The following CUBN variants were observed in gnomAD, a reference collection of about 807,000 sequenced individuals.
CUBN encodes cubilin, also known as 460 kDa receptor.
A neutral mutation model predicts 405.3 loss-of-function variants in CUBN; 282 were observed. That is an observed-to-expected ratio of 0.70 (90% confidence interval 0.63 to 0.77). The LOEUF is 0.77. Among genes scored for constraint, CUBN ranks in the 30% least tolerant of loss-of-function variants. CUBN has a pLI of 0.00. For missense variants in CUBN, 4,514 were observed against 4,475.2 expected, an observed-to-expected ratio of 1.01 and a Z score of -0.25; for synonymous variants, 1,684 against 1,617.0, an observed-to-expected ratio of 1.04 and a Z score of -0.99.
chr10:16,936,106 A>G (rs550556641), intron 39 of CUBN, among the ~76,000 whole-genome samples: 2 of 152,098 alleles, frequency 1.3e-5, no homozygotes, highest in East Asian at 3.9e-4. Flanking sequence ...TAAGAAAAAT[A>G]AGGTTTATGG....
In CUBN at chr10:16,838,614, G is replaced by T. The variant is rs532446980; in HGVS notation, c.10032+1716C>A. On this transcript the variant is annotated intron_variant, in intron 62 of 66. Transcript: ENST00000377833. ...AACATCTTATTCCAGAGGAAATTCA[G>T]ACTCAGCCTTTTTTAAAGCTCAAAA... 5.3e-5 allele frequency among the ~76,000 whole-genome samples: 8 copies of T among 152,308 alleles called. No homozygotes were observed. The South Asian group carries it at 1.7e-3, about 32-fold the overall frequency.
At chr10:16,998,171 C>T (rs182134620) in intron 28 of CUBN, among the ~76,000 whole-genome samples, 54 of 152,108 alleles carry the variant, frequency 3.6e-4, no homozygotes, top group African/African-American at 8.7e-4. Flanking sequence ...CACTGTCCCC[C>T]GAGACTTATG....
At chr10:17,065,868 G>A (rs1330889036) in intron 21 of CUBN, among the ~76,000 whole-genome samples, 2 of 152,088 alleles carry the variant, frequency 1.3e-5, no homozygotes, top group African/African-American at 4.8e-5. Context: ...GGCTATGTGA[G>A]TTGTCATGTA....
At chr10:16,842,668 T>TGA (rs1450111658) in intron 60 of CUBN, among the ~76,000 whole-genome samples, 15 of 152,360 alleles carry the variant, frequency 9.8e-5, no homozygotes, top group African/African-American at 3.6e-4. Flanking sequence ...TGTTCTCCAC[T>TGA]GAACTGCCTG....
At chr10:16,922,604 C>T (rs149090906) in intron 43 of CUBN, among the ~76,000 whole-genome samples, 2 of 152,276 alleles carry the variant, frequency 1.3e-5, no homozygotes, top group African/African-American at 4.8e-5. Flanking sequence ...TGATTCCTGC[C>T]TGCTTCATCA....
chr10:16,854,587 G>A (rs769265234), intron 59 of CUBN, among the ~76,000 whole-genome samples: 1 of 152,140 alleles, frequency 6.6e-6, no homozygotes, highest in Non-Finnish European at 1.5e-5. Context: ...AGAGTTGGAG[G>A]TAGGTAGACA....
chr10:17,030,301 C>T (rs1834761516), intron 27 of CUBN, among the ~76,000 whole-genome samples: 1 of 151,856 alleles, frequency 6.6e-6, no homozygotes, highest in South Asian at 2.1e-4. Flanking sequence ...ACCCCCGGTC[C>T]GTGGAAAAAC....
At chr10:16,959,188 G>A (rs575298341) in intron 31 of CUBN, among the ~76,000 whole-genome samples, 33 of 152,256 alleles carry the variant, frequency 2.2e-4, no homozygotes, top group Admixed American at 8.5e-4. Context: ...CATTCAAACC[G>A]TAGCATTATA....
At chr10:16,869,164 A>ATT (rs72310717) in intron 59 of CUBN, among the ~76,000 whole-genome samples, 3,994 of 121,060 alleles carry the variant, frequency 0.033, 298 homozygotes, top group African/African-American at 0.12. Context: ...TACCAAAGTG[A>ATT]TTTTTTTTTT....
intron 8 of CUBN, 88 bp from the exon 9 acceptor site, chr10:17,111,138 T>G: frequency 1.4e-6 from 2 of 1,417,936 alleles, no homozygotes; most frequent in Non-Finnish European, 2.0e-6. Flanking sequence ...AAAAACCTTC[T>G]CCACCTAAGG....
At chr10:16,945,104 G>C (rs1427876996) in intron 36 of CUBN, among the ~76,000 whole-genome samples, 1 of 152,058 alleles carries the variant, frequency 6.6e-6, no homozygotes, top group Admixed American at 6.6e-5. Context: ...GTCAAGACCT[G>C]AAATCTTATC....
intron 43 of CUBN, among the ~76,000 whole-genome samples, chr10:16,922,773 T>C (rs1294340925): frequency 6.6e-6 from 1 of 152,132 alleles, no homozygotes; most frequent in Admixed American, 6.6e-5. Context: ...CCCTCTCTGA[T>C]GTCCTGGGCT....
chr10:16,892,759 G>A (rs933977151), intron 54 of CUBN, among the ~76,000 whole-genome samples: 1 of 152,082 alleles, frequency 6.6e-6, no homozygotes, highest in Admixed American at 6.5e-5. Flanking sequence ...CTCCAAAAGT[G>A]CTGGGATTAC....
chr10:17,045,810 C>G lies in CUBN; in HGVS notation c.3490+124G>C, dbSNP rs1835119450. ...GCTGCTGTTAATTTAAAATTATTTGCAATATTGAAGTTTAAATACAGCTGG... is the reference window on the plus strand; with the variant it reads ...GCTGCTGTTAATTTAAAATTATTTGGAATATTGAAGTTTAAATACAGCTGG... On this transcript the variant is annotated intron_variant, in intron 24 of 66. Coordinates refer to ENST00000377833, the MANE Select transcript of CUBN (RefSeq NM_001081.4). 8 of 913,544 alleles carry G rather than the reference C, an allele frequency of 8.8e-6. No homozygotes were observed. The South Asian group carries it at 9.4e-5, about 11-fold the overall frequency. 56.6% of individuals were successfully genotyped at this position (913,544 alleles called of 1,614,324 possible).
intron 54 of CUBN, among the ~76,000 whole-genome samples, chr10:16,895,805 C>T (rs971068530): frequency 3.3e-5 from 5 of 152,134 alleles, no homozygotes; most frequent in African/African-American, 1.2e-4. Flanking sequence ...AGTTTATTAT[C>T]ACTTAGATCA....
rs1837235875 is a variant in CUBN, at chr10:17,127,889, T to A, written c.288A>T (p.Lys96Asn). 6.2e-7 allele frequency: 1 copy of A among 1,611,422 alleles called. No homozygotes were observed. Among genetic ancestry groups the A allele is most frequent in the African/African-American group, 1.3e-5 (1 of 74,896 alleles). The change falls in exon 3 of 67, where the codon AAA becomes AAT. Residue 96 changes from lysine (K) to asparagine (N), a missense_variant. By Grantham distance (94) the Lys-to-Asn change is moderately conservative. Around this residue, in one of 5 missense-constraint regions of CUBN, gnomAD observed 1,448 missense variants for 1,388.0 expected, o/e 1.04. Transcript: ENST00000377833. Reference protein sequence around the residue: ...QKNKEDIIELKGSAIGLPQNI... With the variant: ...QKNKEDIIELNGSAIGLPQNI... ...TTTGAGGCAGACCAATTGCACTCCC[T>A]TTTAACTCTATAATATCTTCTTTGT... is the stretch of plus-strand genomic sequence containing the variant.
chr10:16,836,679 T>TGCTCTGAGGATCTAGGCTGTTTGAGA (rs1287443156), intron 62 of CUBN, among the ~76,000 whole-genome samples: 10 of 152,104 alleles, frequency 6.6e-5, no homozygotes, highest in Admixed American at 6.5e-5. Flanking sequence ...CCTGTGCCAT[T>TGCTCTGAGGATCTAGGCTGTTTGAGA]GCTCTGAGGA....
At chr10:16,928,381 C>G in intron 40 of CUBN, 78 bp from the exon 41 acceptor site, 1 of 1,501,986 alleles carries the variant, frequency 6.7e-7, no homozygotes. Context: ...TTAGCCAAAG[C>G]AGCTCACACA....
Position 17,071,839 on chromosome 10 carries a change from C to T in CUBN, c.2434G>A (p.Val812Ile), listed in dbSNP as rs1202022981. 1 of 1,612,402 alleles carries T rather than the reference C, an allele frequency of 6.2e-7. No homozygotes were observed. Among genetic ancestry groups the T allele is most frequent in the Non-Finnish European group, 8.5e-7 (1 of 1,179,678 alleles). Residue 812 changes from valine (V) to isoleucine (I), a missense_variant, in exon 18 of 67, where the codon GTT becomes ATT. Physicochemically the swap from Val to Ile is conservative, Grantham distance 29. Coordinates refer to ENST00000377833, the MANE Select transcript of CUBN (RefSeq NM_001081.4). ...ASVEKASFRA[V>I]YQVACGDELT... The stretch of plus-strand genomic sequence containing the variant: ...TATGTTTCCTTACCGACTTGATAAA[C>T]AGCTCTGAAACTAGCTTTTTCAACA...
Sources: allele counts gnomAD v4.1 joint callset (sites outside exome capture counted in the v4.1 genomes callset), GRCh38; gene constraint gnomAD v4.1.1; regional missense constraint gnomAD v4.1.1; transcripts MANE v1.5; gene names NCBI Gene and HGNC (gene_info 2026-07-23, HGNC 2026-07-21).